The following TRAF3IP3 variants were observed in gnomAD, a reference collection of about 807,000 sequenced individuals.
TRAF3IP3 encodes TRAF3-interacting JNK-activating modulator.
Under a neutral mutation model 86.5 loss-of-function variants are expected in TRAF3IP3, and 64 were observed. The ratio of observed to expected loss-of-function variants is 0.74; its 90% confidence interval spans 0.60 to 0.91. The LOEUF is 0.91. TRAF3IP3 is among the 40% of genes least tolerant of loss of function. The pLI, the probability that TRAF3IP3 is intolerant of heterozygous loss-of-function variation, is 0.00. For synonymous variants in TRAF3IP3, 220 were observed against 243.9 expected, an observed-to-expected ratio of 0.90 and a Z score of 0.91; for missense variants, 579 against 642.9, an observed-to-expected ratio of 0.90 and a Z score of 1.07.
chr1:209,762,395 G>A (rs1319399908), intron 3 of TRAF3IP3, 120 bp from the exon 4 acceptor site: 3 of 1,008,006 alleles, frequency 3.0e-6, no homozygotes, highest in Non-Finnish European at 1.3e-6. Flanking sequence ...TTGGGCGGGG[G>A]GACAATAAAC....
chr1:209,781,776 A>T (rs2077786415), intron 16 of TRAF3IP3: 1 of 499,514 alleles, frequency 2.0e-6, no homozygotes, highest in African/African-American at 1.9e-5. Flanking sequence ...GAATACAAAG[A>T]AAGAATATAA....
intron 8 of TRAF3IP3, among the ~76,000 whole-genome samples, chr1:209,770,625 T>C (rs989004266): frequency 1.7e-5 from 2 of 118,270 alleles, no homozygotes; most frequent in Non-Finnish European, 3.4e-5. Flanking sequence ...CAGCTGGAAG[T>C]TGTGTGCAGG....
Position 209,760,314 on chromosome 1 carries a change from G to T in TRAF3IP3, c.275G>T (p.Arg92Leu), listed in dbSNP as rs78296889. 1.2e-6 allele frequency: 2 copies of T among 1,613,934 alleles called. No individual in the cohort carries two copies. The highest frequency in any genetic ancestry group is 1.7e-6 in the Non-Finnish European group (2 of 1,179,928). The change falls in exon 3 of 17, where the codon CGG (arginine) becomes CTG (leucine). Residue 92 changes from arginine (R) to leucine (L), a missense_variant. Coordinates refer to ENST00000367025, the MANE Select transcript of TRAF3IP3 (RefSeq NM_025228.4). ...PQAREQGPSR[R>L]PGQVTVLKEP... is the part of the protein sequence containing the mutation. ...GCCAGGGAGCAAGGGCCCTCCAGGC[G>T]GCCAGGACAGGTGACTGTCCTCAAG...
chr1:209,781,418 G>A lies in TRAF3IP3; in HGVS notation c.1523G>A (p.Cys508Tyr). 6.2e-7 allele frequency: 1 copy of A among 1,613,710 alleles called. No homozygotes were observed. The highest frequency in any genetic ancestry group is 8.5e-7 in the Non-Finnish European group (1 of 1,179,732). The change falls in exon 16 of 17, where the codon TGT becomes TAT. Residue 508 changes from cysteine to tyrosine, a missense_variant. Cys to Tyr is a radical substitution (Grantham distance 194). Transcript: ENST00000367025. Reference protein sequence around the residue: ...YLSCLRKLQHCREELNQSQQL... With the variant: ...YLSCLRKLQHYREELNQSQQL... Reference sequence around the variant, plus strand: ...TCCTGCCTGCGTAAGCTGCAGCACTGTCGAGAAGAGCTGAACCAGAGCCAG... The same window carrying A: ...TCCTGCCTGCGTAAGCTGCAGCACTATCGAGAAGAGCTGAACCAGAGCCAG...
rs1335973977 is a variant in TRAF3IP3 at position 209,759,454 on chromosome 1, TGTG to T, written c.-59+323_-59+325del. 2.0e-5 allele frequency among the ~76,000 whole-genome samples: 3 copies of T among 151,638 alleles called. No homozygotes were observed. The East Asian group carries it at 5.8e-4, about 29-fold the overall frequency. ...CAGGACTGGTCACCACCTGAGGGGG[TGTG>T]GTTAGCCCTCCAGATCCTTGAGAAG... On this transcript the variant is annotated intron_variant, in intron 2 of 16. Coordinates refer to ENST00000367025, the MANE Select transcript of TRAF3IP3 (RefSeq NM_025228.4).
At chr1:209,766,670 C>T (rs531598074) in intron 8 of TRAF3IP3, among the ~76,000 whole-genome samples, 67 of 152,318 alleles carry the variant, frequency 4.4e-4, no homozygotes, top group Non-Finnish European at 8.4e-4. Context: ...TCAAGACCAG[C>T]CTGGCCAACA....
chr1:209,777,583 A>C, intron 12 of TRAF3IP3, 96 bp downstream of exon 12: 2 of 1,298,840 alleles, frequency 1.5e-6, no homozygotes, highest in Non-Finnish European at 1.0e-6. Flanking sequence ...TCAGCCTTTT[A>C]TTTGTTTGCT....
At chr1:209,779,430 G>A (rs2077729857) in intron 14 of TRAF3IP3, 56 bp downstream of exon 14, 13 of 1,494,362 alleles carry the variant, frequency 8.7e-6, no homozygotes, top group Non-Finnish European at 1.2e-5. Context: ...TACCTGCCTA[G>A]AGGCAGCGGG....
chr1:209,763,163 T>C lies in TRAF3IP3; in HGVS notation c.576+71T>C, dbSNP rs1190016539. The C allele has an allele frequency of 2.6e-6, 4 of 1,555,518 alleles. No homozygotes were observed. The Admixed American group carries it at 5.0e-5, about 19-fold the overall frequency. ...GCTCTGACATTCTGGAATTCCATGA[T>C]AAACTTGGCTGGGATGGAGGGGCAT... On this transcript the variant is annotated intron_variant, in intron 6 of 16. Transcript: ENST00000367025.
At position 209,759,985 on chromosome 1, in the gene TRAF3IP3, C is replaced by T. The variant is rs563356860; in HGVS notation, c.-55C>T. The T allele has an allele frequency of 1.1e-5, 16 of 1,466,878 alleles. No homozygotes were observed. The East Asian group carries it at 3.2e-4, about 29-fold the overall frequency. The allele number at this position is 1,466,878 out of a possible 1,614,324, so 90.9% of individuals were successfully genotyped here. On this transcript the variant is annotated 5_prime_UTR_variant, in exon 3 of 17. Transcript: ENST00000367025. ...CCTCCCTCTTGGCATTTGGCAGATC[C>T]AGGCATCTATTCCAGGAACTGGAAG... is the stretch of plus-strand genomic sequence containing the variant.
rs147791408 is a variant in TRAF3IP3 at position 209,772,965 on chromosome 1, C to G, written c.720C>G (p.Asp240Glu). The part of the protein sequence containing the change: ...DSSWKGQLNE[D>E]KLKGKLRSLE... Reference sequence around the variant, plus strand: ...TGCTCCAGGGACAGCTTAATGAAGACAAACTGAAGGGGAAACTGAGATCCT... The same window carrying G: ...TGCTCCAGGGACAGCTTAATGAAGAGAAACTGAAGGGGAAACTGAGATCCT... The change falls in exon 9 of 17, where the codon GAC becomes GAG. Residue 240 changes from aspartate (D) to glutamate (E), a missense_variant. By Grantham distance (45) the Asp-to-Glu change is conservative. Transcript: ENST00000367025. 1.9e-3 allele frequency: 3,130 copies of G among 1,613,794 alleles called. 9 individuals carry two copies. Among genetic ancestry groups the G allele is most frequent in the Non-Finnish European group, 2.2e-3 (2,649 of 1,179,846 alleles).
intron 8 of TRAF3IP3, 63 bp from the exon 9 acceptor site, chr1:209,772,885 G>A (rs2077576285): frequency 7.1e-7 from 1 of 1,399,624 alleles, no homozygotes; most frequent in Admixed American, 1.7e-5. Context: ...TAGGAATATA[G>A]AGTCAAACTC....
Position 209,775,619 on chromosome 1 carries a change from G to A in TRAF3IP3, c.936G>A (p.Glu312=), listed in dbSNP as rs754569347. 4 of 1,614,090 alleles carry A rather than the reference G, an allele frequency of 2.5e-6. No individual in the cohort carries two copies. Among genetic ancestry groups the A allele is most frequent in the East Asian group, 2.2e-5 (1 of 44,900 alleles). ...QSTQRSLALA[E]QKCEEWRSQY... ...CTCAGCGATCCCTGGCCCTGGCAGA[G>A]CAGAAGTGTGAAGAGTGGAGGAGCC... Residue 312 remains glutamate, a synonymous_variant, in exon 11 of 17, where the codon GAG becomes GAA. Coordinates refer to ENST00000367025, the MANE Select transcript of TRAF3IP3 (RefSeq NM_025228.4).
intron 2 of TRAF3IP3, among the ~76,000 whole-genome samples, chr1:209,759,390 G>A (rs867765820): frequency 2.0e-4 from 31 of 152,302 alleles, no homozygotes; most frequent in African/African-American, 6.7e-4. Context: ...TCACAAGCTC[G>A]TTGCTAAAAG....
At position 209,781,429 on chromosome 1, in the gene TRAF3IP3, C is replaced by G; in HGVS notation, c.1534C>G (p.Leu512Val). 1 of 1,613,246 alleles carries G rather than the reference C, an allele frequency of 6.2e-7. No individual in the cohort carries two copies. The highest frequency in any genetic ancestry group is 1.3e-5 in the African/African-American group (1 of 75,022). Residue 512 changes from leucine to valine, a missense_variant, in exon 16 of 17, where the codon CTG becomes GTG. Physicochemically the swap from Leu to Val is conservative, Grantham distance 32. Coordinates refer to ENST00000367025, the MANE Select transcript of TRAF3IP3 (RefSeq NM_025228.4). ...LRKLQHCREE[L>V]NQSQQLPPRR... ...TAAGCTGCAGCACTGTCGAGAAGAGCTGAACCAGAGCCAGCAGCTGCCTCC... is the reference window on the plus strand; with the variant it reads ...TAAGCTGCAGCACTGTCGAGAAGAGGTGAACCAGAGCCAGCAGCTGCCTCC...
chr1:209,777,304 A>G lies in TRAF3IP3; in HGVS notation c.1054-48A>G, dbSNP rs1220975583. On this transcript the variant is annotated intron_variant, in intron 11 of 16. Transcript: ENST00000367025. Reference sequence around the variant, plus strand: ...CCATGGTACCCGCCCCCCAACCTCCACCCCAACACTGACCTCCTTCTATAT... The same window carrying G: ...CCATGGTACCCGCCCCCCAACCTCCGCCCCAACACTGACCTCCTTCTATAT... The G allele has an allele frequency of 2.0e-6, 3 of 1,502,962 alleles. No homozygotes were observed. In the African/African-American group the frequency reaches 4.2e-5, roughly 21 times the overall value. 93.1% of individuals were successfully genotyped at this position (1,502,962 alleles called of 1,614,324 possible). A position where few individuals can be genotyped will look rare whatever the true frequency, so the allele number is the denominator to read the frequency against.
chr1:209,756,175 T>G lies in TRAF3IP3; in HGVS notation c.-294T>G, dbSNP rs936256494. The G allele has an allele frequency of 6.6e-6, 1 of 152,362 alleles. No individual in the cohort carries two copies. Among genetic ancestry groups the G allele is most frequent in the African/African-American group, 2.4e-5 (1 of 41,472 alleles). 9.4% of individuals were successfully genotyped at this position (152,362 alleles called of 1,614,324 possible). On this transcript the variant is annotated 5_prime_UTR_variant, in exon 1 of 17. An upstream start codon of the reference 5' UTR is lost. Coordinates refer to ENST00000367025, the MANE Select transcript of TRAF3IP3 (RefSeq NM_025228.4). ...ACGGTACCAAGAAGGGACGTGTTAATGGGGCCCAGACCTATGGATTGAAAG... is the reference window on the plus strand; with the variant it reads ...ACGGTACCAAGAAGGGACGTGTTAAGGGGGCCCAGACCTATGGATTGAAAG...
intron 13 of TRAF3IP3, 76 bp from the exon 14 acceptor site, chr1:209,779,239 C>A: frequency 8.1e-7 from 1 of 1,239,756 alleles, no homozygotes; most frequent in South Asian, 1.3e-5. Flanking sequence ...AACCAAGGTT[C>A]TAAGCAAAGT....
rs769075371 is a variant in TRAF3IP3, at chr1:209,763,135, T to C, written c.576+43T>C. On this transcript the variant is annotated intron_variant, in intron 6 of 16. Transcript: ENST00000367025. The stretch of plus-strand genomic sequence containing the variant: ...TTGAAGGGGTCAAATCAGAAAGTAT[T>C]AAGCTCTGACATTCTGGAATTCCAT... 4.4e-6 allele frequency: 7 copies of C among 1,594,350 alleles called. No homozygotes were observed. In the Admixed American group the frequency reaches 1.2e-4, roughly 27 times the overall value.
Sources: allele counts gnomAD v4.1 joint callset (sites outside exome capture counted in the v4.1 genomes callset), GRCh38; gene constraint gnomAD v4.1.1; transcripts MANE v1.5; gene names NCBI Gene and HGNC (gene_info 2026-07-23, HGNC 2026-07-21).